The following ARID4B variants were observed in gnomAD, a reference collection of about 807,000 sequenced individuals.
ARID4B encodes AT-rich interaction domain 4B.
ARID4B carries 26 observed loss-of-function variants against 147.5 expected under a neutral mutation model. The ratio of observed to expected loss-of-function variants is 0.18; its 90% CI spans 0.13 to 0.24. The LOEUF (loss-of-function observed/expected upper bound fraction) is 0.24, where lower values mean the gene tolerates loss of function less well. Ranked by LOEUF, ARID4B falls within the 10% of genes least tolerant of loss-of-function variation. The probability of loss-of-function intolerance (pLI) is 1.00; values close to 1 mark genes in which losing one functional copy is unlikely to be tolerated. For missense variants in ARID4B, 1,179 were observed against 1,511.5 expected, an observed-to-expected ratio of 0.78 and a Z score of 3.65; for synonymous variants, 512 against 507.9, an observed-to-expected ratio of 1.01 and a Z score of -0.11.
At chr1:235,213,245 C>T (rs1306754977) in intron 17 of ARID4B, among the ~76,000 whole-genome samples, 1 of 152,064 alleles carries the variant, frequency 6.6e-6, no homozygotes, top group African/African-American at 2.4e-5. Flanking sequence ...ACATGTTCAA[C>T]CAGATTTTTT....
At chr1:235,172,871 C>A in intron 22 of ARID4B, 107 bp from the exon 23 acceptor site, 1 of 878,992 alleles carries the variant, frequency 1.1e-6, no homozygotes, top group Non-Finnish European at 1.6e-6. Flanking sequence ...GGCAGATGAA[C>A]TAAAAAACTA....
At chr1:235,295,887 A>C (rs1347642456) in intron 2 of ARID4B, 2 of 152,738 alleles carry the variant, frequency 1.3e-5, no homozygotes, top group Admixed American at 6.5e-5. Flanking sequence ...CAAAGAGGGA[A>C]GCCCCTGCTC....
chr1:235,184,561 G>A (rs1300651670), intron 19 of ARID4B, among the ~76,000 whole-genome samples: 2 of 152,166 alleles, frequency 1.3e-5, no homozygotes, highest in Non-Finnish European at 2.9e-5. Context: ...ATCCATGCAT[G>A]TTCTTTAGCT....
Position 235,220,521 on chromosome 1 carries a change from G to A in ARID4B, c.1188C>T (p.Tyr396=), listed in dbSNP as rs113774508. Residue 396 remains tyrosine (Y), a synonymous_variant, in exon 15 of 24, where the codon TAC becomes TAT. Coordinates refer to ENST00000264183, the MANE Select transcript of ARID4B (RefSeq NM_016374.6). ...GAAATTCAATGTTGGCTGATCTACA[G>A]TACTCCTCAAAACCATATAAGTATC... The part of the protein sequence containing the change: ...YKKYLYGFEE[Y]CRSANIEFQM... 1.2e-6 allele frequency: 2 copies of A among 1,609,866 alleles called. No individual in the cohort carries two copies. The highest frequency in any genetic ancestry group is 2.7e-5 in the African/African-American group (2 of 74,688).
intron 2 of ARID4B, among the ~76,000 whole-genome samples, chr1:235,270,967 C>T (rs1670944626): frequency 6.6e-6 from 1 of 152,004 alleles, no homozygotes; most frequent in Admixed American, 6.5e-5. Flanking sequence ...TAACTACTGG[C>T]ATGGATTAGA....
intron 2 of ARID4B, among the ~76,000 whole-genome samples, chr1:235,326,188 C>G (rs756898821): frequency 6.6e-6 from 1 of 151,842 alleles, no homozygotes; most frequent in Non-Finnish European, 1.5e-5. Flanking sequence ...CATATTCTCT[C>G]AAGTAACAAA....
At chr1:235,238,135 C>G (rs1476317915) in intron 8 of ARID4B, among the ~76,000 whole-genome samples, 1 of 104,238 alleles carries the variant, frequency 9.6e-6, no homozygotes, top group Non-Finnish European at 1.9e-5. Flanking sequence ...AAGGGCGAAA[C>G]TCCATCTCAA....
chr1:235,178,333 T>C (rs566266604), intron 20 of ARID4B, among the ~76,000 whole-genome samples: 58 of 152,220 alleles, frequency 3.8e-4, no homozygotes, highest in Middle Eastern at 6.8e-3. Flanking sequence ...ATAATCATAT[T>C]AATATAATTT....
intron 17 of ARID4B, among the ~76,000 whole-genome samples, chr1:235,212,951 T>C (rs375987765): frequency 6.6e-6 from 1 of 152,326 alleles, no homozygotes; most frequent in Admixed American, 6.5e-5. Context: ...ATGGTTAATC[T>C]TTCCAGGTAT....
intron 2 of ARID4B, among the ~76,000 whole-genome samples, chr1:235,296,791 G>GAGGA (rs761841322): frequency 0.15 from 8,390 of 56,630 alleles, 1,571 homozygotes; most frequent in Non-Finnish European, 0.23. Flanking sequence ...AAAAAAAAAG[G>GAGGA]AGGAAGGAAG....
chr1:235,287,426 G>T (rs1672051703), intron 2 of ARID4B, among the ~76,000 whole-genome samples: 2 of 152,106 alleles, frequency 1.3e-5, no homozygotes, highest in Non-Finnish European at 2.9e-5. Flanking sequence ...GGAAATTCCA[G>T]GTGAGGCTAC....
intron 17 of ARID4B, among the ~76,000 whole-genome samples, chr1:235,199,534 CA>C (rs1311562563): frequency 6.6e-6 from 1 of 152,020 alleles, no homozygotes; most frequent in African/African-American, 2.4e-5. Context: ...CAGTGCTTGC[CA>C]AAAAGCACTC....
chr1:235,188,536 G>A (rs954682083), intron 19 of ARID4B, among the ~76,000 whole-genome samples: 9 of 152,140 alleles, frequency 5.9e-5, no homozygotes, highest in Non-Finnish European at 1.2e-4. Flanking sequence ...AGTAGGAGAG[G>A]GCTCCTAGCC....
chr1:235,233,819 C>T (rs186182995), intron 9 of ARID4B, among the ~76,000 whole-genome samples: 3 of 152,342 alleles, frequency 2.0e-5, no homozygotes, highest in African/African-American at 4.8e-5. Flanking sequence ...CGATGGCTCA[C>T]GCCTATAATC....
At chr1:235,320,849 C>A (rs1464965633) in intron 2 of ARID4B, among the ~76,000 whole-genome samples, 4 of 152,198 alleles carry the variant, frequency 2.6e-5, no homozygotes, top group African/African-American at 4.8e-5. Flanking sequence ...CACTCTATCA[C>A]TTGTTTCACA....
At position 235,312,749 on chromosome 1, in the gene ARID4B, G is replaced by A. The variant is rs562865185; in HGVS notation, c.6+14165C>T. 2.4e-4 allele frequency among the ~76,000 whole-genome samples: 36 copies of A among 152,188 alleles called. No individual in the cohort carries two copies. The East Asian group carries it at 3.3e-3, about 14-fold the overall frequency. On this transcript the variant is annotated intron_variant, in intron 2 of 23. Coordinates refer to ENST00000264183, the MANE Select transcript of ARID4B (RefSeq NM_016374.6). ...AGCACTTTGAGAAGCCAAGGCAGGC[G>A]ATCACCTGAGCTCGGGAGTTTGAGA...
At chr1:235,260,310 G>T (rs1247491424) in intron 3 of ARID4B, among the ~76,000 whole-genome samples, 6 of 152,120 alleles carry the variant, frequency 3.9e-5, no homozygotes, top group Admixed American at 1.3e-4. Flanking sequence ...TGGCCTTGGA[G>T]AAATCACTAA....
intron 2 of ARID4B, among the ~76,000 whole-genome samples, chr1:235,302,153 GAAAAAA>G (rs749154889): frequency 7.2e-4 from 22 of 30,656 alleles, no homozygotes; most frequent in African/African-American, 2.0e-3. Context: ...TCAAAAAACG[GAAAAAA>G]AAAAAAAAAA....
At chr1:235,292,804 T>A (rs182915990) in intron 2 of ARID4B, among the ~76,000 whole-genome samples, 1 of 152,202 alleles carries the variant, frequency 6.6e-6, no homozygotes, top group South Asian at 2.1e-4. Flanking sequence ...TCTACTTTTA[T>A]GTAACAGTAA....
Sources: allele counts gnomAD v4.1 joint callset (sites outside exome capture counted in the v4.1 genomes callset), GRCh38; gene constraint gnomAD v4.1.1; transcripts MANE v1.5; gene names NCBI Gene and HGNC (gene_info 2026-07-23, HGNC 2026-07-21).